Variants in MKNK1 observed in about 807,000 individuals in gnomAD.
MKNK1 encodes MAP kinase-interacting serine/threonine-protein kinase 1.
A neutral mutation model predicts 49.3 loss-of-function variants in MKNK1; 30 were observed. The observed-to-expected ratio is 0.61, with a 90% confidence interval of 0.46 to 0.83. MKNK1 has a LOEUF of 0.83. MKNK1 is among the 40% of genes least tolerant of loss of function. The pLI is 0.00. For synonymous variants in MKNK1, 176 were observed against 201.7 expected (o/e 0.87, Z 1.08); for missense variants, 423 against 524.7 (o/e 0.81, Z 1.89).
chr1:46,600,164 T>C (rs1045406447), intron 1 of MKNK1, among the ~76,000 whole-genome samples: 7 of 152,362 alleles, frequency 4.6e-5, no homozygotes, highest in African/African-American at 1.7e-4. Context: ...ACTCCCACTT[T>C]GTTTACATTC....
intron 2 of MKNK1, 76 bp from the exon 3 acceptor site, chr1:46,583,405 A>C (rs1672042459): frequency 4.3e-6 from 5 of 1,151,554 alleles, no homozygotes; most frequent in African/African-American, 1.6e-5. Flanking sequence ...AGGAAAAAAA[A>C]AAGGTAGTGG....
In MKNK1 at chr1:46,585,660, G is replaced by A. The variant is rs192532291; in HGVS notation, c.-2-2331C>T. 1.3e-3 allele frequency: 485 copies of A among 372,474 alleles called. 2 individuals are homozygous for A. Among genetic ancestry groups the A allele is most frequent in the Non-Finnish European group, 1.8e-3 (340 of 185,146 alleles). 23.1% of individuals were successfully genotyped at this position (372,474 alleles called of 1,614,324 possible). On this transcript the variant is annotated intron_variant, in intron 2 of 12. Coordinates refer to ENST00000371945, the MANE Select transcript of MKNK1 (RefSeq NM_001135553.4). The stretch of plus-strand genomic sequence containing the variant: ...GCAAAACAGCCAAAAGACAGGCAGA[G>A]CAGAGGAGCAGCAAGAGGGCTGGAG...
At chr1:46,596,577 G>A (rs753324952) in intron 1 of MKNK1, among the ~76,000 whole-genome samples, 1 of 152,188 alleles carries the variant, frequency 6.6e-6, no homozygotes, top group Non-Finnish European at 1.5e-5. Flanking sequence ...CTAGGTTCCA[G>A]TTCTGGCCCT....
chr1:46,578,044 G>A (rs528944949), intron 4 of MKNK1, among the ~76,000 whole-genome samples: 2 of 152,368 alleles, frequency 1.3e-5, no homozygotes, highest in Admixed American at 1.3e-4. Context: ...GAATGGAGAG[G>A]TGTAGTGCTG....
chr1:46,590,030 C>A lies in MKNK1; in HGVS notation c.-3+4083G>T, dbSNP rs549796994. The stretch of plus-strand genomic sequence containing the variant: ...ACCACTTCAGAATTCTTTTCAAGGT[C>A]TCCCCAACCTTTAAGAGCGATTTCC... On this transcript the variant is annotated intron_variant, in intron 2 of 12. Transcript: ENST00000371945. Among the ~76,000 whole-genome samples, 31 of 152,280 alleles carry A rather than the reference C, an allele frequency of 2.0e-4. 1 individual carries two copies. The highest frequency in any genetic ancestry group is 3.4e-4 in the Non-Finnish European group (23 of 68,036).
chr1:46,580,831 C>T (rs890568825), intron 3 of MKNK1, among the ~76,000 whole-genome samples: 13 of 152,216 alleles, frequency 8.5e-5, no homozygotes, highest in African/African-American at 2.9e-4. Context: ...ACAAGGCATC[C>T]TGTTCCTCAT....
chr1:46,562,796 C>G lies in MKNK1; in HGVS notation c.657G>C (p.Thr219=). The change falls in exon 10 of 13, where the codon ACG becomes ACC. Residue 219 remains threonine (T), a synonymous_variant. Transcript: ENST00000371945. ...GCTTGTCGTAGAATGTGGCCTGGTC[C>G]GTGAAGACCTCCACTACCTCAGGGG... ...YMAPEVVEVF[T]DQATFYDKRC... is the part of the protein sequence containing the mutation. The G allele has an allele frequency of 1.2e-6, 2 of 1,612,770 alleles. No homozygotes were observed. Among genetic ancestry groups the G allele is most frequent in the African/African-American group, 2.7e-5 (2 of 74,988 alleles).
intron 2 of MKNK1, chr1:46,586,027 C>T (rs1334996635): frequency 2.2e-6 from 2 of 898,234 alleles, no homozygotes; most frequent in African/African-American, 1.7e-5. Context: ...ACATGCTTAG[C>T]TTCCCTGGTT....
chr1:46,572,224 T>G (rs1481698177), intron 6 of MKNK1, 57 bp from the exon 7 acceptor site: 25 of 1,455,584 alleles, frequency 1.7e-5, no homozygotes, highest in East Asian at 2.3e-5. Context: ...AAGTATAAGT[T>G]TTTTTTTTAG....
chr1:46,564,878 G>C (rs1436778814), intron 9 of MKNK1, among the ~76,000 whole-genome samples, 163 bp downstream of exon 9: 2 of 152,164 alleles, frequency 1.3e-5, no homozygotes, highest in Non-Finnish European at 2.9e-5. Context: ...GGTCAGGGGA[G>C]GCTTGAGAGC....
At chr1:46,570,387 G>A (rs767536008) in intron 7 of MKNK1, 4 of 152,374 alleles carry the variant, frequency 2.6e-5, no homozygotes, top group Non-Finnish European at 5.9e-5. Flanking sequence ...CAGAGCTGAT[G>A]CTATTCATCA....
In MKNK1 at chr1:46,583,302, A is replaced by T. The variant is rs767164092; in HGVS notation, c.26T>A (p.Ile9Asn). ...CTTCCTCCTCCTGTCACCATCTGCGATGGGAAGGGGTTCGCTACTGCCCAT... is the reference window on the plus strand; with the variant it reads ...CTTCCTCCTCCTGTCACCATCTGCGTTGGGAAGGGGTTCGCTACTGCCCAT... MGSSEPLP[I>N]ADGDRRRKKK... Residue 9 changes from isoleucine (I) to asparagine (N), a missense_variant, in exon 3 of 13, where the codon ATC becomes AAC. Transcript: ENST00000371945. The T allele has an allele frequency of 6.2e-7, 1 of 1,613,854 alleles. No homozygotes were observed. Among genetic ancestry groups the T allele is most frequent in the South Asian group, 1.1e-5 (1 of 91,060 alleles).
In MKNK1 at chr1:46,561,489, A is replaced by C; in HGVS notation, c.958T>G (p.Trp320Gly). The C allele has an allele frequency of 1.2e-6, 2 of 1,613,082 alleles. No homozygotes were observed. Among genetic ancestry groups the C allele is most frequent in the Non-Finnish European group, 1.7e-6 (2 of 1,179,334 alleles). ...LSAAQVLQHPWVQGQAPEKGL... is the reference protein window; with the variant it reads ...LSAAQVLQHPGVQGQAPEKGL... ...CTGGAGTCACTCACCCCCTGCACCC[A>C]TGGGTGCTGCAGAACTTGGGCGGCG... The change falls in exon 11 of 13, where the codon TGG becomes GGG. Residue 320 changes from tryptophan to glycine, a missense_variant. Trp to Gly is a radical substitution (Grantham distance 184). Coordinates refer to ENST00000371945, the MANE Select transcript of MKNK1 (RefSeq NM_001135553.4).
rs575569945 is a variant in MKNK1, at chr1:46,572,236, C to T, written c.353-69G>A. On this transcript the variant is annotated intron_variant, in intron 6 of 12. Transcript: ENST00000371945. ...AGTAAGTATAAGTTTTTTTTTTAGACGAAGTCTCACTCTGTTACCCAGGCT... is the reference window on the plus strand; with the variant it reads ...AGTAAGTATAAGTTTTTTTTTTAGATGAAGTCTCACTCTGTTACCCAGGCT... The T allele has an allele frequency of 8.2e-5, 106 of 1,300,020 alleles. No individual in the cohort carries two copies. In the African/African-American group the frequency reaches 1.0e-3, roughly 12 times the overall value. The allele number at this position is 1,300,020 out of a possible 1,614,324, so 80.5% of individuals were successfully genotyped here.
chr1:46,572,079 G>T lies in MKNK1; in HGVS notation c.441C>A (p.Asp147Glu). Residue 147 changes from aspartate (D) to glutamate (E), a missense_variant, in exon 7 of 13, where the codon GAC becomes GAA. By Grantham distance (45) the Asp-to-Glu change is conservative. Transcript: ENST00000371945. ...RVVRDVAAALDFLHTKGIAHR... is the reference protein window; with the variant it reads ...RVVRDVAAALEFLHTKGIAHR... ...TGGGTTCACCTTTGGTATGCAGGAA[G>T]TCAAGGGCAGCAGCAACGTCCCGCA... 6.2e-7 allele frequency: 1 copy of T among 1,614,096 alleles called. No individual in the cohort carries two copies. The highest frequency in any genetic ancestry group is 8.5e-7 in the Non-Finnish European group (1 of 1,179,972).
intron 1 of MKNK1, chr1:46,594,893 G>C (rs1242462507): frequency 2.5e-6 from 1 of 394,964 alleles, no homozygotes; most frequent in Non-Finnish European, 5.0e-6. Context: ...AGGCTGAGGT[G>C]GGAGGATTGC....
chr1:46,576,529 G>A (rs1570179626), intron 5 of MKNK1, 46 bp downstream of exon 5: 1 of 1,517,100 alleles, frequency 6.6e-7, no homozygotes, highest in Non-Finnish European at 9.2e-7. Context: ...CTCTTCTGTG[G>A]CCAAGCGTCC....
In MKNK1 at chr1:46,572,102, G is replaced by GC; in HGVS notation, c.417dup (p.Arg140AlafsTer8). 6.2e-7 allele frequency: 1 copy of GC among 1,614,092 alleles called. No homozygotes were observed. The highest frequency in any genetic ancestry group is 2.2e-5 in the East Asian group (1 of 44,880). ...AAGTCAAGGGCAGCAGCAACGTCCC[G>GC]CACCACTCGGCTGGCTTCTCGCTCA... On this transcript the variant is annotated frameshift_variant, in exon 7 of 13. Coordinates refer to ENST00000371945, the MANE Select transcript of MKNK1 (RefSeq NM_001135553.4). LOFTEE classifies it high-confidence loss of function.
At chr1:46,576,931 T>C (rs1189370712) in intron 4 of MKNK1, among the ~76,000 whole-genome samples, 1 of 152,226 alleles carries the variant, frequency 6.6e-6, no homozygotes, top group Admixed American at 6.5e-5. Flanking sequence ...CAGGGGAGAC[T>C]GAGGCAGCCG....
Sources: gnomAD v4.1 joint callset for allele counts (sites outside exome capture counted in the v4.1 genomes callset) on GRCh38, gnomAD v4.1.1 for gene constraint, MANE v1.5 for transcripts, NCBI Gene and HGNC (gene_info 2026-07-23, HGNC 2026-07-21) for gene names.